The following ADGRG1 variants were observed in gnomAD, a reference collection of about 807,000 sequenced individuals.
ADGRG1 encodes the protein adhesion G protein-coupled receptor G1, also known as 7-transmembrane protein with no EGF-like N-terminal domains-1.
ADGRG1 carries 53 observed loss-of-function variants against 73.5 expected under a neutral mutation model. The ratio of observed to expected loss-of-function variants is 0.72; its 90% CI spans 0.58 to 0.91. ADGRG1 has a LOEUF of 0.91. Among genes scored for constraint, ADGRG1 ranks in the 40% least tolerant of loss-of-function variants. The probability of loss-of-function intolerance (pLI) is 0.00; values close to 1 mark genes in which losing one functional copy is unlikely to be tolerated. For synonymous variants in ADGRG1, 394 were observed against 374.4 expected (o/e 1.05, Z -0.60); for missense variants, 795 against 871.8 (o/e 0.91, Z 1.11).
intron 1 of ADGRG1, chr16:57,630,403 A>C: frequency 1.0e-6 from 1 of 985,854 alleles, no homozygotes; most frequent in Non-Finnish European, 1.2e-6. Context: ...ATATGCACCC[A>C]CCTTGGTCAC....
intron 7 of ADGRG1, 104 bp from the exon 8 acceptor site, chr16:57,656,122 G>T (rs1244188452): frequency 6.2e-7 from 1 of 1,613,370 alleles, no homozygotes; most frequent in Non-Finnish European, 8.5e-7. Flanking sequence ...TCCAAATGGG[G>T]CGGGTGGTGG....
intron 1 of ADGRG1, chr16:57,644,100 A>C: frequency 1.0e-6 from 1 of 985,188 alleles, no homozygotes; most frequent in Non-Finnish European, 1.2e-6. Context: ...TGCTCTTTGC[A>C]CTGTGCCCCG....
upstream of ADGRG1, chr16:57,623,878 G>A (rs1231118579): frequency 2.6e-5 from 25 of 951,576 alleles, no homozygotes; most frequent in Non-Finnish European, 3.1e-5. Context: ...CAAAACACAT[G>A]GTCTGAGATC....
At position 57,660,561 on chromosome 16, in the gene ADGRG1, A is replaced by T. The variant is rs1313024364; in HGVS notation, c.1556-207A>T. ...CGAAGGGCAGGGCTAAGGTTGGAGGAGATGGCATCCCCTTATAGGAAACCC... is the reference window on the plus strand; with the variant it reads ...CGAAGGGCAGGGCTAAGGTTGGAGGTGATGGCATCCCCTTATAGGAAACCC... On this transcript the variant is annotated intron_variant, in intron 11 of 13. Transcript: ENST00000562631. 6.5e-6 allele frequency: 5 copies of T among 769,882 alleles called. No homozygotes were observed. In the Admixed American group the frequency reaches 3.1e-4, roughly 48 times the overall value. 47.7% of individuals were successfully genotyped at this position (769,882 alleles called of 1,614,324 possible). A position where few individuals can be genotyped will look rare whatever the true frequency, so the allele number is the denominator to read the frequency against.
intron 1 of ADGRG1, chr16:57,642,479 A>C: frequency 1.0e-6 from 1 of 985,344 alleles, no homozygotes; most frequent in Middle Eastern, 5.2e-4. Flanking sequence ...GATTTCTGAG[A>C]GCTTTTTTCC....
chr16:57,650,176 C>T, intron 1 of ADGRG1, 77 bp from the exon 2 acceptor site: 2 of 1,570,716 alleles, frequency 1.3e-6, no homozygotes, highest in Non-Finnish European at 1.7e-6. Context: ...CCATGCCACA[C>T]TGGCCTCCTC....
chr16:57,661,589 G>T, intron 12 of ADGRG1, 108 bp from the exon 13 acceptor site: 1 of 1,523,222 alleles, frequency 6.6e-7, no homozygotes, highest in Non-Finnish European at 8.8e-7. Context: ...GAAAACAAGC[G>T]CACTTGCTGT....
At chr16:57,650,070 G>A (rs1256922951) in intron 1 of ADGRG1, 183 bp from the exon 2 acceptor site, 5 of 941,292 alleles carry the variant, frequency 5.3e-6, no homozygotes, top group East Asian at 2.3e-4. Context: ...AAGTCACCAC[G>A]CCTGGCCTCA....
In ADGRG1 at chr16:57,650,283, G is replaced by A. The variant is rs772984939; in HGVS notation, c.-5G>A. 1.2e-6 allele frequency: 2 copies of A among 1,613,252 alleles called. No homozygotes were observed. The highest frequency in any genetic ancestry group is 1.7e-5 in the Admixed American group (1 of 60,038). ...GACTTCCAAGAGTGACTCCGTCGGAGGAAAATGACTCCCCAGTCGCTGCTG... is the reference window on the plus strand; with the variant it reads ...GACTTCCAAGAGTGACTCCGTCGGAAGAAAATGACTCCCCAGTCGCTGCTG... On this transcript the variant is annotated 5_prime_UTR_variant, in exon 2 of 14. Coordinates refer to ENST00000562631, the MANE Select transcript of ADGRG1 (RefSeq NM_201525.4).
At chr16:57,642,427 G>C (rs1207839909) in intron 1 of ADGRG1, 45 of 985,246 alleles carry the variant, frequency 4.6e-5, no homozygotes, top group Non-Finnish European at 5.3e-5. Flanking sequence ...GGAAGGGAGG[G>C]GAGGGGGCTG....
At position 57,664,063 on chromosome 16, in the gene ADGRG1, C is replaced by T. The variant is rs371098429; in HGVS notation, c.*481C>T. The T allele has an allele frequency of 4.3e-5, 8 of 188,078 alleles. No individual in the cohort carries two copies. Among genetic ancestry groups the T allele is most frequent in the Middle Eastern group, 2.2e-3 (1 of 452 alleles). The allele number at this position is 188,078 out of a possible 1,614,324, so 11.7% of individuals were successfully genotyped here. ...TTTTAACCTCAGGTGGCACCCAGGG[C>T]GAATGGGGCCCAGGGCAGACCTTCA... On this transcript the variant is annotated 3_prime_UTR_variant, in exon 14 of 14. Coordinates refer to ENST00000562631, the MANE Select transcript of ADGRG1 (RefSeq NM_201525.4).
chr16:57,661,652 T>C (rs1237145730), intron 12 of ADGRG1, 45 bp from the exon 13 acceptor site: 1 of 1,587,330 alleles, frequency 6.3e-7, no homozygotes, highest in Admixed American at 1.8e-5. Context: ...CAGGAAATGC[T>C]GCCCGTGCTG....
At chr16:57,630,198 C>A in intron 1 of ADGRG1, 1 of 389,822 alleles carries the variant, frequency 2.6e-6, no homozygotes, top group Non-Finnish European at 3.5e-6. Context: ...AGGATAGCCC[C>A]GGGCAGCCTG....
chr16:57,638,598 C>A (rs2039950779), intron 1 of ADGRG1, among the ~76,000 whole-genome samples: 1 of 152,122 alleles, frequency 6.6e-6, no homozygotes, highest in Non-Finnish European at 1.5e-5. Context: ...AGGAGGTGGA[C>A]CCTAAGGAGT....
chr16:57,654,870 ACT>A (rs1420733127), intron 5 of ADGRG1: 1 of 160,410 alleles, frequency 6.2e-6, no homozygotes, highest in Non-Finnish European at 1.3e-5. Context: ...ACAGAGCGAG[ACT>A]CTGTCTCAAA....
chr16:57,623,110 TCA>T, upstream of ADGRG1: 2 of 975,064 alleles, frequency 2.1e-6, no homozygotes, highest in South Asian at 9.5e-5. Context: ...TCTCTGAGTC[TCA>T]GTCTTCTCCT....
At chr16:57,651,671 C>A in intron 3 of ADGRG1, 49 bp downstream of exon 3, 1 of 1,573,796 alleles carries the variant, frequency 6.4e-7, no homozygotes, top group Non-Finnish European at 8.6e-7. Context: ...GGTCTAGAGG[C>A]AGGGAAGGCA....
In ADGRG1 at chr16:57,654,594, G is replaced by T. The variant is rs559603175; in HGVS notation, c.768+461G>T. Among the ~76,000 whole-genome samples the T allele has an allele frequency of 5.3e-5, 8 of 152,256 alleles. No homozygotes were observed. In the East Asian group the frequency reaches 1.4e-3, roughly 26 times the overall value. ...CACACCTGGCTTTAAAAAATTCTTT[G>T]CAAGGCTAGGTGCAGTGGCTCACAT... On this transcript the variant is annotated intron_variant, in intron 5 of 13. Transcript: ENST00000562631.
upstream of ADGRG1, chr16:57,626,859 A>T: frequency 2.0e-6 from 2 of 978,848 alleles, no homozygotes; most frequent in Non-Finnish European, 2.4e-6. Context: ...TATGTCAGGG[A>T]CAACCCATCC....
Sources: gnomAD v4.1 joint callset for allele counts (sites outside exome capture counted in the v4.1 genomes callset) on GRCh38, gnomAD v4.1.1 for gene constraint, MANE v1.5 for transcripts, NCBI Gene and HGNC (gene_info 2026-07-23, HGNC 2026-07-21) for gene names.